The following SPIDR variants were observed in gnomAD, a reference collection of about 807,000 sequenced individuals.
The protein encoded by SPIDR is DNA repair-scaffolding protein.
A neutral mutation model predicts 104.6 loss-of-function variants in SPIDR; 93 were observed. That is an observed-to-expected ratio of 0.89 (90% CI 0.75 to 1.06). The LOEUF (loss-of-function observed/expected upper bound fraction) is 1.06. Among genes scored for constraint, SPIDR ranks in the 50% least tolerant of loss-of-function variants. The pLI is 0.00. For synonymous variants in SPIDR, 431 were observed against 416.9 expected, an observed-to-expected ratio of 1.03 and a Z score of -0.41; for missense variants, 1,154 against 1,111.2, an observed-to-expected ratio of 1.04 and a Z score of -0.55.
chr8:47,713,426 C>A (rs2082146876), intron 15 of SPIDR, 63 bp from the exon 16 acceptor site: 1 of 1,607,578 alleles, frequency 6.2e-7, no homozygotes, highest in African/African-American at 1.3e-5. Flanking sequence ...AGGAGACTGC[C>A]ATTATGGGCA....
At position 47,602,590 on chromosome 8, in the gene SPIDR, G is replaced by A. The variant is rs1287433099; in HGVS notation, c.1544+3394G>A. Among the ~76,000 whole-genome samples, 4 of 152,162 alleles carry A rather than the reference G, an allele frequency of 2.6e-5. 1 individual carries two copies. In the South Asian group the frequency reaches 6.2e-4, roughly 24 times the overall value. On this transcript the variant is annotated intron_variant, in intron 10 of 19. Coordinates refer to ENST00000297423, the MANE Select transcript of SPIDR (RefSeq NM_001080394.4). ...CAGCCCAGGTCAGGTGGTTGCTGAT[G>A]AAACCCTGTGGTAAATTTCTGTCTT...
At chr8:47,535,996 G>A (rs1176651232) in intron 8 of SPIDR, among the ~76,000 whole-genome samples, 1 of 152,012 alleles carries the variant, frequency 6.6e-6, no homozygotes, top group Non-Finnish European at 1.5e-5. Flanking sequence ...ATATGTAATA[G>A]TCAGTTACTT....
At chr8:47,461,013 C>G (rs1222116794) in intron 8 of SPIDR, among the ~76,000 whole-genome samples, 1 of 152,200 alleles carries the variant, frequency 6.6e-6, no homozygotes, top group African/African-American at 2.4e-5. Context: ...TGTAGGGTGT[C>G]TGCTGAGAAA....
intron 8 of SPIDR, among the ~76,000 whole-genome samples, chr8:47,501,349 G>T (rs2080397993): frequency 6.6e-6 from 1 of 152,022 alleles, no homozygotes; most frequent in Admixed American, 6.6e-5. Context: ...TCCTTGAAGA[G>T]GTCCTTCACA....
At chr8:47,496,718 C>CT (rs71225690) in intron 8 of SPIDR, among the ~76,000 whole-genome samples, 14,967 of 110,562 alleles carry the variant, frequency 0.14, 1,657 homozygotes, top group African/African-American at 0.32. Context: ...ATTCCCTACT[C>CT]TTTTTTTTTT....
chr8:47,584,888 C>T (rs1323334014), intron 8 of SPIDR, among the ~76,000 whole-genome samples: 1 of 152,154 alleles, frequency 6.6e-6, no homozygotes, highest in Non-Finnish European at 1.5e-5. Flanking sequence ...TCCATCTGCC[C>T]CTGCCCTTCC....
chr8:47,556,443 G>A (rs2091334977), intron 8 of SPIDR, among the ~76,000 whole-genome samples: 1 of 152,164 alleles, frequency 6.6e-6, no homozygotes, highest in Non-Finnish European at 1.5e-5. Context: ...CTAGGTACTT[G>A]GGCTTACTTG....
At chr8:47,479,783 TG>T (rs1255150154) in intron 8 of SPIDR, among the ~76,000 whole-genome samples, 2 of 152,196 alleles carry the variant, frequency 1.3e-5, no homozygotes, top group Non-Finnish European at 1.5e-5. Context: ...ACTGTAAGTT[TG>T]GGGAAGTAAG....
At chr8:47,643,298 T>G (rs753095211) in intron 10 of SPIDR, among the ~76,000 whole-genome samples, 1 of 152,240 alleles carries the variant, frequency 6.6e-6, no homozygotes. Context: ...GTCTGCATTC[T>G]GTAGTATTTG....
At chr8:47,679,111 C>G (rs1164046317) in intron 11 of SPIDR, among the ~76,000 whole-genome samples, 4 of 152,210 alleles carry the variant, frequency 2.6e-5, no homozygotes, top group Admixed American at 6.5e-5. Flanking sequence ...AGGGTGCCCT[C>G]TGGCACCATG....
chr8:47,716,532 G>A (rs1051693486), intron 16 of SPIDR, among the ~76,000 whole-genome samples: 2 of 152,110 alleles, frequency 1.3e-5, no homozygotes, highest in Admixed American at 1.3e-4. Context: ...TGTAAAATAG[G>A]GCTAACGGAA....
chr8:47,665,139 A>G (rs1168908003), intron 10 of SPIDR, among the ~76,000 whole-genome samples: 2 of 152,214 alleles, frequency 1.3e-5, no homozygotes, highest in African/African-American at 4.8e-5. Context: ...CAGACACCTC[A>G]AAGTCAAAAT....
chr8:47,588,710 T>C (rs981534403), intron 8 of SPIDR, among the ~76,000 whole-genome samples: 2 of 152,200 alleles, frequency 1.3e-5, no homozygotes, highest in South Asian at 2.1e-4. Flanking sequence ...GGGATTTCTG[T>C]TGATAATTCT....
chr8:47,530,077 T>G (rs1441552316), intron 8 of SPIDR, among the ~76,000 whole-genome samples: 1 of 152,232 alleles, frequency 6.6e-6, no homozygotes, highest in African/African-American at 2.4e-5. Context: ...ACATCTAGGC[T>G]GTATGGTATA....
chr8:47,592,454 T>G, intron 8 of SPIDR: 1 of 1,448,716 alleles, frequency 6.9e-7, no homozygotes, highest in Non-Finnish European at 9.7e-7. Flanking sequence ...AGTTTAAAAG[T>G]CCCTCCCTCA....
At chr8:47,729,661 A>C in intron 19 of SPIDR, 196 bp downstream of exon 19, 1 of 594,600 alleles carries the variant, frequency 1.7e-6, no homozygotes, top group Non-Finnish European at 2.9e-6. Context: ...TGTGGAAATG[A>C]GGTTATTTTA....
At chr8:47,691,335 C>G (rs2078625533) in intron 11 of SPIDR, among the ~76,000 whole-genome samples, 1 of 149,532 alleles carries the variant, frequency 6.7e-6, no homozygotes, top group South Asian at 2.1e-4. Context: ...AGAAAAATAT[C>G]TTCCTGAAAT....
At chr8:47,677,166 C>A (rs1379920324) in intron 11 of SPIDR, among the ~76,000 whole-genome samples, 1 of 152,132 alleles carries the variant, frequency 6.6e-6, no homozygotes, top group Non-Finnish European at 1.5e-5. Flanking sequence ...CACCCCCCAA[C>A]CTGCCCCCGA....
rs919132509 is a variant in SPIDR at position 47,554,217 on chromosome 8, C to G, written c.1098-41594C>G. On this transcript the variant is annotated intron_variant, in intron 8 of 19. Transcript: ENST00000297423. Reference sequence around the variant, plus strand: ...AGGGTCAGGGACCCACTTGAGGAGGCAGTCTGTCCGTTCTCAGATCTCAAA... The same window carrying G: ...AGGGTCAGGGACCCACTTGAGGAGGGAGTCTGTCCGTTCTCAGATCTCAAA... Among the ~76,000 whole-genome samples, 4 of 152,206 alleles carry G rather than the reference C, an allele frequency of 2.6e-5. 1 individual carries two copies. The highest frequency in any genetic ancestry group is 4.1e-4 in the South Asian group (2 of 4,830).
Sources: allele counts gnomAD v4.1 joint callset (sites outside exome capture counted in the v4.1 genomes callset), GRCh38; gene constraint gnomAD v4.1.1; transcripts MANE v1.5; gene names NCBI Gene and HGNC (gene_info 2026-07-23, HGNC 2026-07-21).